Variants in FER1L6 observed in about 807,000 individuals in gnomAD.
FER1L6 encodes fer-1 like family member 6.
Under a neutral mutation model 219.2 loss-of-function variants are expected in FER1L6, and 177 were observed. That is an observed-to-expected ratio of 0.81 (90% CI 0.71 to 0.91). The LOEUF is 0.91. FER1L6 is among the 40% of genes least tolerant of loss of function. The pLI is 0.00. For synonymous variants in FER1L6, 768 were observed against 824.3 expected, an observed-to-expected ratio of 0.93 and a Z score of 1.17; for missense variants, 2,153 against 2,259.9, an observed-to-expected ratio of 0.95 and a Z score of 0.96.
chr8:123,869,206 T>C (rs10087023), intron 1 of FER1L6, among the ~76,000 whole-genome samples: 23,291 of 152,178 alleles, frequency 0.15, 1,814 homozygotes, highest in Middle Eastern at 0.19. Context: ...TTATATATCA[T>C]TGTAGAGTTG....
intron 1 of FER1L6, among the ~76,000 whole-genome samples, chr8:123,911,179 A>G (rs1255204263): frequency 1.3e-5 from 2 of 152,112 alleles, no homozygotes; most frequent in African/African-American, 2.4e-5. Flanking sequence ...GATTCAAGAC[A>G]AAAAAATGGA....
chr8:123,867,733 G>A (rs1378035088), intron 1 of FER1L6, among the ~76,000 whole-genome samples: 1 of 152,148 alleles, frequency 6.6e-6, no homozygotes, highest in African/African-American at 2.4e-5. Flanking sequence ...TTTGCACGTA[G>A]CTGTTTTCAT....
rs1816573283 is a variant in FER1L6 at position 123,853,804 on chromosome 8, G to A, written c.-8+1619G>A. Among the ~76,000 whole-genome samples the A allele has an allele frequency of 6.6e-6, 1 of 152,224 alleles. No individual in the cohort carries two copies. Among genetic ancestry groups the A allele is most frequent in the African/African-American group, 2.4e-5 (1 of 41,458 alleles). ...GAGGCTGGTTTTCACTGAGAACGAT[G>A]TAAGAAGGAACAACATCGCGGCCTT... On this transcript the variant is annotated intron_variant, in intron 1 of 40. Transcript: ENST00000522917. The surrounding 1 kb of genome is among the most constrained non-coding windows in gnomAD (Gnocchi z 6.6).
At position 123,986,187 on chromosome 8, in the gene FER1L6, A is replaced by G. The variant is rs575894377; in HGVS notation, c.1519+11A>G. On this transcript the variant is annotated intron_variant, in intron 12 of 40. Transcript: ENST00000522917. ...TTGAAGTTTCTATTGGTAAGTACAG[A>G]TAAGCACAGTGCCAGGCACATAGCA... 3.3e-5 allele frequency: 49 copies of G among 1,488,324 alleles called. No homozygotes were observed. In the African/African-American group the frequency reaches 5.9e-4, roughly 18 times the overall value. The allele number at this position is 1,488,324 out of a possible 1,614,324, so 92.2% of individuals were successfully genotyped here.
At chr8:123,906,848 T>C (rs1403841857) in intron 1 of FER1L6, among the ~76,000 whole-genome samples, 2 of 151,838 alleles carry the variant, frequency 1.3e-5, no homozygotes, top group Admixed American at 1.3e-4. Context: ...TCTGAAGACC[T>C]TTTAACCCCC....
chr8:123,940,596 C>G (rs1814200474), intron 1 of FER1L6, among the ~76,000 whole-genome samples: 1 of 152,174 alleles, frequency 6.6e-6, no homozygotes, highest in African/African-American at 2.4e-5. Context: ...CCTTGGCTTC[C>G]CAAAGTGCTG....
At chr8:123,923,850 T>C (rs1187672295) in intron 1 of FER1L6, among the ~76,000 whole-genome samples, 7 of 150,316 alleles carry the variant, frequency 4.7e-5, no homozygotes, top group Non-Finnish European at 1.0e-4. Flanking sequence ...GGCAGGAGAA[T>C]TGCTTGAACT....
chr8:123,964,568 A>G (rs949468524), intron 3 of FER1L6, among the ~76,000 whole-genome samples: 1 of 151,764 alleles, frequency 6.6e-6, no homozygotes, highest in Non-Finnish European at 1.5e-5. Flanking sequence ...GACAACCACC[A>G]CCCCTCTACC....
intron 39 of FER1L6, among the ~76,000 whole-genome samples, chr8:124,107,281 T>C (rs1429157310): frequency 6.6e-6 from 1 of 152,198 alleles, no homozygotes; most frequent in Non-Finnish European, 1.5e-5. Context: ...GTTTACTCAG[T>C]GTACTGAGCA....
intron 11 of FER1L6, among the ~76,000 whole-genome samples, chr8:123,981,489 G>T (rs973379052): frequency 3.3e-5 from 5 of 152,278 alleles, no homozygotes; most frequent in Middle Eastern, 3.4e-3. Flanking sequence ...GTAGATTCCA[G>T]CTCCTAGCTT....
At chr8:123,954,922 C>G (rs561206580) in intron 1 of FER1L6, among the ~76,000 whole-genome samples, 1 of 152,320 alleles carries the variant, frequency 6.6e-6, no homozygotes, top group African/African-American at 2.4e-5. Context: ...TTCCCCTCCT[C>G]TCTCCAGGGC....
intron 26 of FER1L6, among the ~76,000 whole-genome samples, chr8:124,065,958 T>C (rs1820813624): frequency 6.6e-6 from 1 of 152,258 alleles, no homozygotes; most frequent in Admixed American, 6.5e-5. Flanking sequence ...GCCTAAATTA[T>C]GTACTTAATC....
intron 22 of FER1L6, among the ~76,000 whole-genome samples, chr8:124,053,837 C>T (rs534387748): frequency 6.6e-6 from 1 of 152,252 alleles, no homozygotes; most frequent in East Asian, 1.9e-4. Flanking sequence ...CCAGCCTGGG[C>T]AGGAGAGCAA....
In FER1L6 at chr8:124,082,447, C is replaced by T. The variant is rs1419470138; in HGVS notation, c.4380C>T (p.Ser1460=). The change falls in exon 33 of 41, where the codon AGC becomes AGT. Residue 1460 remains serine, a synonymous_variant. Coordinates refer to ENST00000522917, the MANE Select transcript of FER1L6 (RefSeq NM_001039112.2). ...SKHRAICGLQ[S]QYEIEGYNAW... ...ACCGAGCCATCTGTGGCTTGCAGAG[C>T]CAGTATGAGATGTAAGTTCTTTCTC... 1 of 1,613,460 alleles carries T rather than the reference C, an allele frequency of 6.2e-7. No homozygotes were observed. The highest frequency in any genetic ancestry group is 2.2e-5 in the East Asian group (1 of 44,862).
chr8:124,023,442 A>G lies in FER1L6; in HGVS notation c.2134-2A>G, dbSNP rs764749906. The stretch of plus-strand genomic sequence containing the variant: ...CAATCCCAACTCCCTCTATTCCCAC[A>G]GCCCCAGCACACTATCCCTGACGTT... On this transcript the variant is annotated splice_acceptor_variant, in intron 17 of 40. Transcript: ENST00000522917. LOFTEE classifies it high-confidence loss of function. The G allele has an allele frequency of 6.8e-6, 11 of 1,612,984 alleles. 1 individual carries two copies. In the South Asian group the frequency reaches 1.2e-4, roughly 18 times the overall value.
rs373673065 is a variant in FER1L6 at position 124,045,881 on chromosome 8, C to G, written c.2704C>G (p.Leu902Val). ...AESPPLVVVE[L>V]YDSDAVGKPE... ...GTCCCCGCCCTTAGTGGTGGTGGAG[C>G]TGTATGACAGCGACGCTGTGGTGAG... The change falls in exon 21 of 41, where the codon CTG becomes GTG. Residue 902 changes from leucine to valine, a missense_variant. Coordinates refer to ENST00000522917, the MANE Select transcript of FER1L6 (RefSeq NM_001039112.2). The G allele has an allele frequency of 1.8e-5, 29 of 1,613,940 alleles. No individual in the cohort carries two copies. Among genetic ancestry groups the G allele is most frequent in the Non-Finnish European group, 2.5e-5 (29 of 1,179,974 alleles).
rs1816274227 is a variant in FER1L6 at position 123,980,505 on chromosome 8, TG to T, written c.1106del (p.Gly369AlafsTer8). The T allele has an allele frequency of 3.7e-6, 6 of 1,614,014 alleles. No individual in the cohort carries two copies. Among genetic ancestry groups the T allele is most frequent in the Non-Finnish European group, 5.1e-6 (6 of 1,180,002 alleles). ...TTGGGCCTGCCTGGATTAACCTGTA[TG>T]GCTCGCCCAGGAACCACAGTCTGAT... ...TFGPAWINLY[G>X]SPRNHSLMDD... is the part of the protein sequence containing the mutation. On this transcript the variant is annotated frameshift_variant, in exon 11 of 41. Transcript: ENST00000522917. LOFTEE classifies it high-confidence loss of function.
intron 19 of FER1L6, 67 bp downstream of exon 19, chr8:124,035,521 G>A (rs964265237): frequency 8.5e-5 from 127 of 1,502,098 alleles, no homozygotes; most frequent in Non-Finnish European, 1.4e-5. Flanking sequence ...AGATAATAAG[G>A]AGGGCAGCAT....
intron 2 of FER1L6, among the ~76,000 whole-genome samples, chr8:123,957,366 T>G (rs1415087375): frequency 6.6e-6 from 1 of 152,158 alleles, no homozygotes; most frequent in Non-Finnish European, 1.5e-5. Flanking sequence ...AGGGAGTGGG[T>G]GGAAAGGCTT....
Sources: allele counts gnomAD v4.1 joint callset (sites outside exome capture counted in the v4.1 genomes callset), GRCh38; gene constraint gnomAD v4.1.1; non-coding constraint Gnocchi (gnomAD v3.1); transcripts MANE v1.5; gene names NCBI Gene and HGNC (gene_info 2026-07-23, HGNC 2026-07-21).